RASSF5: variants seen among roughly 807,000 people sequenced by gnomAD.
The protein encoded by RASSF5 is Ras association domain family member 5.
A neutral mutation model predicts 40.5 loss-of-function variants in RASSF5; 25 were observed. The observed-to-expected ratio is 0.62, with a 90% CI of 0.45 to 0.86. RASSF5 has a LOEUF of 0.86. Ranked by LOEUF, RASSF5 falls within the 40% of genes least tolerant of loss-of-function variation. The pLI is 0.00. For synonymous variants in RASSF5, 246 were observed against 252.4 expected, an observed-to-expected ratio of 0.97 and a Z score of 0.24; for missense variants, 521 against 572.8, an observed-to-expected ratio of 0.91 and a Z score of 0.92.
At chr1:206,536,549 AG>A (rs35255705) in intron 1 of RASSF5, among the ~76,000 whole-genome samples, 3,420 of 151,762 alleles carry the variant, frequency 0.023, 47 homozygotes, top group Admixed American at 0.035. Flanking sequence ...AGCTGGGGAG[AG>A]GGGGGTGTCA....
chr1:206,578,750 T>C (rs1553405665), intron 2 of RASSF5, among the ~76,000 whole-genome samples: 1 of 152,134 alleles, frequency 6.6e-6, no homozygotes, highest in Non-Finnish European at 1.5e-5. Flanking sequence ...TGCCACAGCA[T>C]TCCTGGGTGC....
At chr1:206,528,610 C>T (rs1450755976) in intron 1 of RASSF5, among the ~76,000 whole-genome samples, 5 of 152,090 alleles carry the variant, frequency 3.3e-5, no homozygotes, top group African/African-American at 1.2e-4. Context: ...ACAAATGTAC[C>T]ACTCTGGTGG....
At chr1:206,523,959 A>C (rs1349096014) in intron 1 of RASSF5, among the ~76,000 whole-genome samples, 2 of 117,210 alleles carry the variant, frequency 1.7e-5, no homozygotes, top group African/African-American at 3.5e-5. Context: ...TAATATATAT[A>C]CCATATATAA....
At chr1:206,551,961 A>G (rs539710922) in intron 2 of RASSF5, among the ~76,000 whole-genome samples, 1 of 152,352 alleles carries the variant, frequency 6.6e-6, no homozygotes, top group South Asian at 2.1e-4. Context: ...GTCACTCTGT[A>G]TTCTCACTAG....
Position 206,532,614 on chromosome 1 carries a change from A to T in RASSF5, c.458-5558A>T, listed in dbSNP as rs557517429. Among the ~76,000 whole-genome samples, 48 of 152,346 alleles carry T rather than the reference A, an allele frequency of 3.2e-4. 1 individual carries two copies. In the South Asian group the frequency reaches 7.7e-3, roughly 24 times the overall value. ...TCAGAGAATGCGCATACGTTCCCGG[A>T]TTCAGAAGTTGTCCTGCTTTCCCTC... is the stretch of plus-strand genomic sequence containing the variant. On this transcript the variant is annotated intron_variant, in intron 1 of 5. Coordinates refer to ENST00000579436, the MANE Select transcript of RASSF5 (RefSeq NM_182663.4).
intron 2 of RASSF5, among the ~76,000 whole-genome samples, chr1:206,577,880 C>T (rs1039538231): frequency 5.3e-5 from 8 of 152,126 alleles, no homozygotes; most frequent in African/African-American, 1.7e-4. Flanking sequence ...CATTAAAGAG[C>T]TTTAGTCTAG....
intron 2 of RASSF5, among the ~76,000 whole-genome samples, chr1:206,575,451 C>A (rs960749613): frequency 1.2e-4 from 19 of 152,144 alleles, no homozygotes; most frequent in African/African-American, 4.6e-4. Flanking sequence ...AATGCGTAGA[C>A]CGGCTTGGGC....
At chr1:206,562,626 G>C (rs1396065695) in intron 2 of RASSF5, among the ~76,000 whole-genome samples, 3 of 152,126 alleles carry the variant, frequency 2.0e-5, no homozygotes, top group Non-Finnish European at 4.4e-5. Context: ...ACAACATCAA[G>C]TACTTGGTTA....
intron 1 of RASSF5, among the ~76,000 whole-genome samples, chr1:206,510,393 A>G (rs1553394481): frequency 6.6e-6 from 1 of 152,198 alleles, no homozygotes; most frequent in African/African-American, 2.4e-5. Context: ...AAAAAATAGG[A>G]TAATGATATT....
chr1:206,546,089 A>ATTTTTTTTTTTTTTTTTTTTTTTTTTTTT (rs10603701), intron 2 of RASSF5, among the ~76,000 whole-genome samples: 2 of 48,250 alleles, frequency 4.1e-5, no homozygotes, highest in Non-Finnish European at 7.4e-5. Context: ...TTCTTTTTCT[A>ATTTTTTTTTTTTTTTTTTTTTTTTTTTTT]TTTTTTTTTT....
intron 2 of RASSF5, among the ~76,000 whole-genome samples, chr1:206,540,073 T>A (rs1553399170): frequency 2.0e-5 from 3 of 152,184 alleles, no homozygotes. Flanking sequence ...CTGGAGACAT[T>A]TTTGGTTGTC....
rs1553406996 is a variant in RASSF5, at chr1:206,584,344, A to G, written c.691-43A>G. ...CCCGAGTGGCAGATATGATCATGCA[A>G]GGCGGACGGCCCTGACCCCCTGTGA... On this transcript the variant is annotated intron_variant, in intron 3 of 5. Coordinates refer to ENST00000579436, the MANE Select transcript of RASSF5 (RefSeq NM_182663.4). The surrounding 1 kb of genome is among the most constrained non-coding windows in gnomAD (Gnocchi z 4.9). 6.4e-7 allele frequency: 1 copy of G among 1,564,888 alleles called. No homozygotes were observed. Among genetic ancestry groups the G allele is most frequent in the Non-Finnish European group, 8.7e-7 (1 of 1,153,594 alleles).
Position 206,587,674 on chromosome 1 carries a change from T to C in RASSF5, c.*696T>C, listed in dbSNP as rs1250271066. The C allele has an allele frequency of 6.5e-6, 1 of 152,920 alleles. No individual in the cohort carries two copies. Among genetic ancestry groups the C allele is most frequent in the African/African-American group, 2.4e-5 (1 of 41,456 alleles). 9.5% of individuals were successfully genotyped at this position (152,920 alleles called of 1,614,324 possible). On this transcript the variant is annotated 3_prime_UTR_variant, in exon 6 of 6. Coordinates refer to ENST00000579436, the MANE Select transcript of RASSF5 (RefSeq NM_182663.4). ...ACATGGAAACCCAAAGGCATATATC[T>C]GCGTATGTGTGGTACTTAGTCACAT...
intron 1 of RASSF5, among the ~76,000 whole-genome samples, chr1:206,536,949 A>G (rs1427601862): frequency 6.6e-6 from 1 of 152,194 alleles, no homozygotes; most frequent in East Asian, 1.9e-4. Context: ...ACCACACCTC[A>G]GATCCGAGCA....
chr1:206,532,232 T>A (rs1173582748), intron 1 of RASSF5, among the ~76,000 whole-genome samples: 4 of 152,098 alleles, frequency 2.6e-5, no homozygotes, highest in Non-Finnish European at 4.4e-5. Flanking sequence ...AGCAGAGCAG[T>A]GGAAGGAGAG....
intron 2 of RASSF5, among the ~76,000 whole-genome samples, chr1:206,580,134 C>T (rs2103564551): frequency 6.6e-6 from 1 of 152,246 alleles, no homozygotes; most frequent in East Asian, 1.9e-4. Context: ...CACTTCCCCG[C>T]GTTTGTGGTG....
intron 2 of RASSF5, among the ~76,000 whole-genome samples, chr1:206,566,070 G>T (rs1274546390): frequency 1.3e-5 from 2 of 152,196 alleles, no homozygotes; most frequent in African/African-American, 2.4e-5. Context: ...AGGCAGCAGA[G>T]TGTTCATGCC....
At chr1:206,557,294 G>A in intron 2 of RASSF5, 1 of 1,239,180 alleles carries the variant, frequency 8.1e-7, no homozygotes, top group East Asian at 3.9e-5. Context: ...ACGAGTCAGG[G>A]AGTGAGGCGC....
intron 2 of RASSF5, among the ~76,000 whole-genome samples, chr1:206,578,870 T>G (rs1668761041): frequency 6.6e-6 from 1 of 152,142 alleles, no homozygotes; most frequent in African/African-American, 2.4e-5. Flanking sequence ...TGTCATTGAT[T>G]AGAGTGCAGA....
Sources: allele counts gnomAD v4.1 joint callset (sites outside exome capture counted in the v4.1 genomes callset), GRCh38; gene constraint gnomAD v4.1.1; non-coding constraint Gnocchi (gnomAD v3.1); transcripts MANE v1.5; gene names NCBI Gene and HGNC (gene_info 2026-07-23, HGNC 2026-07-21).